FAM193A: variants seen among roughly 807,000 people sequenced by gnomAD.
The protein encoded by FAM193A is protein FAM193A.
In FAM193A, 22 loss-of-function variants were observed where a neutral mutation model predicts 126.5. That is an observed-to-expected ratio of 0.17 (90% CI 0.12 to 0.25). FAM193A has a LOEUF of 0.25. Among genes scored for constraint, FAM193A ranks in the 10% least tolerant of loss-of-function variants. The probability of loss-of-function intolerance (pLI) is 1.00; values close to 1 mark genes in which losing one functional copy is unlikely to be tolerated. For synonymous variants in FAM193A, 761 were observed against 646.8 expected (o/e 1.18, Z -2.68); for missense variants, 1,675 against 1,672.8 (o/e 1.00, Z -0.02).
At chr4:2,716,189 A>G (rs966195131) in intron 20 of FAM193A, 85 bp downstream of exon 20, 2 of 929,342 alleles carry the variant, frequency 2.2e-6, no homozygotes, top group African/African-American at 1.6e-5. Flanking sequence ...TGGCACTTCT[A>G]GTTGTCTTGG....
intron 1 of FAM193A, among the ~76,000 whole-genome samples, chr4:2,572,883 C>G (rs919954325): frequency 1.3e-5 from 2 of 148,624 alleles, no homozygotes; most frequent in African/African-American, 5.0e-5. Context: ...AGGTGAGAGG[C>G]GACAGTGGCG....
chr4:2,601,931 C>G (rs747588939), intron 2 of FAM193A, among the ~76,000 whole-genome samples: 7 of 151,756 alleles, frequency 4.6e-5, no homozygotes, highest in Non-Finnish European at 1.0e-4. Context: ...CTCCACCTCC[C>G]AGGTTCAAGG....
chr4:2,581,152 C>T (rs1020138776), intron 1 of FAM193A, among the ~76,000 whole-genome samples: 1 of 150,896 alleles, frequency 6.6e-6, no homozygotes, highest in South Asian at 2.1e-4. Context: ...AAAAAAAAAA[C>T]CACTGATTTA....
intron 1 of FAM193A, among the ~76,000 whole-genome samples, chr4:2,541,976 G>C (rs554314505): frequency 6.6e-6 from 1 of 151,332 alleles, no homozygotes; most frequent in African/African-American, 2.4e-5. Flanking sequence ...TCAGCCTCCC[G>C]AGTAGCTGAG....
At chr4:2,630,171 G>A (rs1376995383) in intron 4 of FAM193A, among the ~76,000 whole-genome samples, 1 of 150,000 alleles carries the variant, frequency 6.7e-6, no homozygotes, top group South Asian at 2.1e-4. Context: ...ACACATTTGT[G>A]TCAAAAATAA....
At chr4:2,677,612 G>A (rs181943529) in intron 13 of FAM193A, among the ~76,000 whole-genome samples, 3 of 151,910 alleles carry the variant, frequency 2.0e-5, no homozygotes, top group East Asian at 2.0e-4. Flanking sequence ...GTGGTGGCAC[G>A]TGCCTGTAGT....
At chr4:2,595,576 G>A (rs1740808716) in intron 1 of FAM193A, among the ~76,000 whole-genome samples, 1 of 152,202 alleles carries the variant, frequency 6.6e-6, no homozygotes, top group South Asian at 2.1e-4. Context: ...GCTGGGCCTG[G>A]AAGGGCGTCT....
chr4:2,540,468 AAAACAAAC>A (rs559818414), intron 1 of FAM193A, among the ~76,000 whole-genome samples: 1 of 142,890 alleles, frequency 7.0e-6, no homozygotes, highest in Non-Finnish European at 1.5e-5. Flanking sequence ...ACTCCGTCTC[AAAACAAAC>A]AAACAAACAA....
intron 1 of FAM193A, among the ~76,000 whole-genome samples, chr4:2,540,677 C>T (rs764986027): frequency 6.6e-6 from 1 of 151,592 alleles, no homozygotes. Flanking sequence ...AACGAAAAAA[C>T]AGGCCGAGTG....
chr4:2,547,449 A>G (rs1472923969), intron 1 of FAM193A, among the ~76,000 whole-genome samples: 1 of 152,054 alleles, frequency 6.6e-6, no homozygotes, highest in Non-Finnish European at 1.5e-5. Context: ...ATGGGGTCTC[A>G]CTATGTTGCC....
At chr4:2,603,492 A>C (rs1249610142) in intron 2 of FAM193A, among the ~76,000 whole-genome samples, 2 of 115,196 alleles carry the variant, frequency 1.7e-5, no homozygotes, top group Non-Finnish European at 3.5e-5. Context: ...AGTCTTGCTC[A>C]GTCACCCAGG....
intron 5 of FAM193A, among the ~76,000 whole-genome samples, chr4:2,635,318 T>G (rs1179053307): frequency 6.6e-6 from 1 of 152,206 alleles, no homozygotes; most frequent in East Asian, 1.9e-4. Flanking sequence ...GGCCCCTTTA[T>G]ACTTAAAAAT....
chr4:2,612,027 A>G (rs1237359566), intron 2 of FAM193A, among the ~76,000 whole-genome samples: 4 of 151,514 alleles, frequency 2.6e-5, no homozygotes, highest in South Asian at 4.2e-4. Flanking sequence ...TAGTAGAGAC[A>G]GGATTTCACC....
chr4:2,723,446 G>A (rs1287512931), intron 20 of FAM193A, among the ~76,000 whole-genome samples: 1 of 151,388 alleles, frequency 6.6e-6, no homozygotes. Context: ...GTGGTGGTGG[G>A]TGCCTGTAAT....
intron 2 of FAM193A, among the ~76,000 whole-genome samples, chr4:2,616,217 C>T (rs1742177181): frequency 6.6e-6 from 1 of 151,810 alleles, no homozygotes; most frequent in Non-Finnish European, 1.5e-5. Flanking sequence ...GAATTAATGC[C>T]ACCACCATCA....
intron 19 of FAM193A, among the ~76,000 whole-genome samples, chr4:2,707,130 A>C (rs543860285): frequency 1.5e-4 from 22 of 150,726 alleles, no homozygotes; most frequent in African/African-American, 4.1e-4. Context: ...TCCCCCCACA[A>C]AAAAAAAAGT....
rs530485439 is a variant in FAM193A at position 2,537,459 on chromosome 4, C to T, written c.255+289C>T. Among the ~76,000 whole-genome samples the T allele has an allele frequency of 4.6e-5, 7 of 152,330 alleles. No homozygotes were observed. The South Asian group carries it at 1.4e-3, about 32-fold the overall frequency. On this transcript the variant is annotated intron_variant, in intron 1 of 20. Coordinates refer to ENST00000637812, the MANE Select transcript of FAM193A (RefSeq NM_001366318.2). ...CCGCTCACGGCGACGGGCTGGTCCG[C>T]AGGCTGGAGCAGCCCCTCAACGGGC...
intron 5 of FAM193A, among the ~76,000 whole-genome samples, chr4:2,632,621 C>T (rs1451548314): frequency 6.1e-5 from 9 of 148,106 alleles, no homozygotes; most frequent in African/African-American, 2.3e-4. Flanking sequence ...TCAAGCTTCA[C>T]TGCGCCAAGC....
intron 6 of FAM193A, among the ~76,000 whole-genome samples, chr4:2,646,137 CTGT>C (rs1342812552): frequency 2.3e-5 from 3 of 130,270 alleles, no homozygotes; most frequent in Non-Finnish European, 3.3e-5. Flanking sequence ...TTCTTAGAAG[CTGT>C]TGTTTCTTTG....
Sources: allele counts gnomAD v4.1 joint callset (sites outside exome capture counted in the v4.1 genomes callset), GRCh38; gene constraint gnomAD v4.1.1; transcripts MANE v1.5; gene names NCBI Gene and HGNC (gene_info 2026-07-23, HGNC 2026-07-21).